DMD: variants seen among roughly 807,000 people sequenced by gnomAD.
DMD encodes mutant dystrophin.
A neutral mutation model predicts 330.1 loss-of-function variants in DMD; 63 were observed. The ratio of observed to expected loss-of-function variants is 0.19; its 90% confidence interval spans 0.16 to 0.24. The LOEUF is 0.24. Among genes scored for constraint, DMD ranks in the 10% least tolerant of loss-of-function variants. The pLI is 1.00. For missense variants in DMD, 3,344 were observed against 2,684.1 expected (o/e 1.25, Z -5.43); for synonymous variants, 1,223 against 959.8 (o/e 1.27, Z -5.07).
chrX:31,464,985 T>C (rs17340798), intron 59 of DMD, among the ~76,000 whole-genome samples: 15,226 of 111,744 alleles, frequency 0.14, 838 homozygotes, highest in East Asian at 0.24. Context: ...TCTGTTTGCC[T>C]AAGTCGAGGT....
At chrX:31,322,143 T>A (rs913732924) in intron 62 of DMD, among the ~76,000 whole-genome samples, 12 of 111,906 alleles carry the variant, frequency 1.1e-4, no homozygotes, top group African/African-American at 3.9e-4. Flanking sequence ...TTTCAGCTCA[T>A]AAAGGAATTG....
In DMD at chrX:31,797,591, ATTAC is replaced by A. The variant is rs1250541037; in HGVS notation, c.7309+22380_7309+22383del. 4.5e-5 allele frequency among the ~76,000 whole-genome samples: 5 copies of A among 112,313 alleles called. No homozygotes were observed. The East Asian group carries it at 8.3e-4, about 19-fold the overall frequency. ...TAGGTAAAATGTGCATAAAAATAGA[ATTAC>A]TTGACCTAATATATTAATAATTTGA... On this transcript the variant is annotated intron_variant, in intron 50 of 78. Transcript: ENST00000357033.
At chrX:33,155,884 G>A (rs1021805559) in intron 1 of DMD, among the ~76,000 whole-genome samples, 2 of 110,842 alleles carry the variant, frequency 1.8e-5, no homozygotes, top group Admixed American at 9.7e-5. Flanking sequence ...AGCAGATCGC[G>A]CCACCACGCT....
intron 1 of DMD, among the ~76,000 whole-genome samples, chrX:33,317,294 T>A (rs754980446): frequency 7.5e-4 from 84 of 111,560 alleles, no homozygotes; most frequent in African/African-American, 2.7e-3. Flanking sequence ...CAAAGAAGGC[T>A]GACCACAGGC....
chrX:32,821,322 T>A (rs5928079), intron 5 of DMD, among the ~76,000 whole-genome samples: 6,683 of 111,163 alleles, frequency 0.06, 220 homozygotes, highest in Non-Finnish European at 0.095. Context: ...CAGTGGCTCA[T>A]GCCTGCAATC....
intron 1 of DMD, among the ~76,000 whole-genome samples, chrX:33,095,018 A>AT (rs2095138165): frequency 8.9e-6 from 1 of 111,862 alleles, no homozygotes. Flanking sequence ...AATAAACTAC[A>AT]TTTTTAATAC....
chrX:33,328,699 A>G (rs1236070398), intron 1 of DMD, among the ~76,000 whole-genome samples: 2 of 111,451 alleles, frequency 1.8e-5, no homozygotes, highest in Middle Eastern at 4.3e-3. Flanking sequence ...TACATGGTTT[A>G]CTAGAAAAAA....
chrX:31,388,218 C>T (rs867167237), intron 60 of DMD, among the ~76,000 whole-genome samples: 37 of 108,101 alleles, frequency 3.4e-4, no homozygotes, highest in East Asian at 8.8e-4. Flanking sequence ...TTAGCCAGGA[C>T]GGTCTCGATC....
intron 60 of DMD, among the ~76,000 whole-genome samples, chrX:31,398,013 C>T (rs926215102): frequency 8.9e-6 from 1 of 112,311 alleles, no homozygotes; most frequent in Admixed American, 9.5e-5. Flanking sequence ...GACTTATGTG[C>T]TAAGAATAAT....
At chrX:31,980,499 G>A (rs1279748533) in intron 44 of DMD, among the ~76,000 whole-genome samples, 2 of 111,803 alleles carry the variant, frequency 1.8e-5, no homozygotes, top group African/African-American at 6.5e-5. Context: ...TAAATCAGAA[G>A]AATAGGTGCC....
chrX:32,724,008 C>T (rs1265481828), intron 7 of DMD, among the ~76,000 whole-genome samples: 3 of 111,672 alleles, frequency 2.7e-5, no homozygotes, highest in African/African-American at 9.7e-5. Context: ...GCCTTAAGTA[C>T]ATCCAGTAAA....
At chrX:32,633,256 C>G (rs1262401129) in intron 11 of DMD, among the ~76,000 whole-genome samples, 1 of 111,755 alleles carries the variant, frequency 8.9e-6, no homozygotes, top group East Asian at 2.8e-4. Flanking sequence ...CACACGAGAT[C>G]ATCACTCTCA....
chrX:32,577,637 G>A (rs1423375590), intron 13 of DMD, among the ~76,000 whole-genome samples: 1 of 112,123 alleles, frequency 8.9e-6, no homozygotes, highest in Non-Finnish European at 1.9e-5. Context: ...CTGTAGAAAG[G>A]CACCCATTAA....
rs769702449 is a variant in DMD, at chrX:32,491,491, T to C, written c.2408A>G (p.Gln803Arg). 3.3e-6 allele frequency: 4 copies of C among 1,208,989 alleles called. No individual in the cohort carries two copies. The highest frequency in any genetic ancestry group is 4.5e-6 in the Non-Finnish European group (4 of 894,574). Reference sequence around the variant, plus strand: ...CCGGCTGTTCAGTTGTTCTGAGGCTTGTTTGATGCTATCTGCATTAACACC... The same window carrying C: ...CCGGCTGTTCAGTTGTTCTGAGGCTCGTTTGATGCTATCTGCATTAACACC... Reference protein sequence around the residue: ...NEGVNADSIKQASEQLNSRWI... With the variant: ...NEGVNADSIKRASEQLNSRWI... Residue 803 changes from glutamine (Q) to arginine (R), a missense_variant, in exon 20 of 79, where the codon CAA (glutamine) becomes CGA (arginine). Coordinates refer to ENST00000357033, the MANE Select transcript of DMD (RefSeq NM_004006.3).
chrX:31,926,360 G>A (rs2094775702), intron 47 of DMD, among the ~76,000 whole-genome samples: 1 of 111,603 alleles, frequency 9.0e-6, no homozygotes, highest in South Asian at 3.7e-4. Context: ...TTCACCTGCT[G>A]TTTTCTCTCT....
intron 51 of DMD, among the ~76,000 whole-genome samples, chrX:31,744,222 G>C (rs926230489): frequency 9.0e-6 from 1 of 110,912 alleles, no homozygotes; most frequent in Non-Finnish European, 1.9e-5. Flanking sequence ...AATTACAATA[G>C]TAACATCAAA....
chrX:32,523,067 G>C (rs1445622688), intron 17 of DMD, among the ~76,000 whole-genome samples: 1 of 112,040 alleles, frequency 8.9e-6, no homozygotes, highest in Non-Finnish European at 1.9e-5. Context: ...TGGCATGACA[G>C]CTGAAAGAAA....
chrX:31,366,290 C>T (rs2059225296), intron 60 of DMD, among the ~76,000 whole-genome samples: 1 of 108,419 alleles, frequency 9.2e-6, no homozygotes, highest in East Asian at 2.9e-4. Flanking sequence ...CCACTGATAA[C>T]ACAAACTATG....
chrX:32,681,094 ATC>A (rs1411036123), intron 9 of DMD, among the ~76,000 whole-genome samples: 2 of 112,122 alleles, frequency 1.8e-5, no homozygotes, highest in Admixed American at 9.5e-5. Flanking sequence ...ATTCCAAAAT[ATC>A]TGTTTCGTCC....
Sources: allele counts gnomAD v4.1 joint callset (sites outside exome capture counted in the v4.1 genomes callset), GRCh38; gene constraint gnomAD v4.1.1; transcripts MANE v1.5; gene names NCBI Gene and HGNC (gene_info 2026-07-23, HGNC 2026-07-21).